ATRNL1: variants seen among roughly 807,000 people sequenced by gnomAD.
ATRNL1 encodes attractin like 1.
A neutral mutation model predicts 182.7 loss-of-function variants in ATRNL1; 95 were observed. That is an observed-to-expected ratio of 0.52 (90% CI 0.44 to 0.62). The LOEUF is 0.62. Ranked by LOEUF, ATRNL1 falls within the 20% of genes least tolerant of loss-of-function variation. The pLI is 0.00. For synonymous variants in ATRNL1, 576 were observed against 568.3 expected, an observed-to-expected ratio of 1.01 and a Z score of -0.19; for missense variants, 1,471 against 1,679.5, an observed-to-expected ratio of 0.88 and a Z score of 2.17.
intron 28 of ATRNL1, among the ~76,000 whole-genome samples, chr10:115,930,481 A>G (rs112238906): frequency 3.9e-5 from 6 of 152,296 alleles, no homozygotes; most frequent in African/African-American, 1.4e-4. Flanking sequence ...GTTCAGTCCA[A>G]CAGCCAGGCA....
At chr10:115,937,492 C>A (rs1321000435) in intron 28 of ATRNL1, among the ~76,000 whole-genome samples, 4 of 152,200 alleles carry the variant, frequency 2.6e-5, no homozygotes, top group Non-Finnish European at 5.9e-5. Flanking sequence ...TTCACTTGTG[C>A]TGGCCTTCCA....
At chr10:115,506,831 A>G (rs1282368299) in intron 24 of ATRNL1, among the ~76,000 whole-genome samples, 3 of 152,074 alleles carry the variant, frequency 2.0e-5, no homozygotes, top group African/African-American at 7.2e-5. Context: ...GGTCAGAGGC[A>G]TCTCCAGTCA....
intron 27 of ATRNL1, among the ~76,000 whole-genome samples, chr10:115,820,900 G>A (rs1950279223): frequency 6.6e-6 from 1 of 152,132 alleles, no homozygotes; most frequent in Non-Finnish European, 1.5e-5. Context: ...TCTAGGGCAG[G>A]ACCTGGTGGG....
At chr10:115,809,027 A>C (rs557612993) in intron 27 of ATRNL1, among the ~76,000 whole-genome samples, 1 of 152,052 alleles carries the variant, frequency 6.6e-6, no homozygotes, top group South Asian at 2.1e-4. Context: ...TGTTTTTCTT[A>C]ATGTTGTATG....
intron 5 of ATRNL1, among the ~76,000 whole-genome samples, chr10:115,153,673 T>G (rs1432266105): frequency 1.3e-5 from 2 of 152,138 alleles, no homozygotes; most frequent in African/African-American, 2.4e-5. Context: ...CTCCTGCTCC[T>G]GGATTCATTG....
At chr10:115,226,199 T>C (rs2144489282) in intron 9 of ATRNL1, among the ~76,000 whole-genome samples, 1 of 151,826 alleles carries the variant, frequency 6.6e-6, no homozygotes, top group East Asian at 2.0e-4. Flanking sequence ...GCCAATTGGG[T>C]GTACAATTGG....
intron 28 of ATRNL1, among the ~76,000 whole-genome samples, chr10:115,899,206 A>G (rs1952286161): frequency 6.6e-6 from 1 of 151,980 alleles, no homozygotes; most frequent in Non-Finnish European, 1.5e-5. Context: ...TCATTGTTCA[A>G]TTCCCATCTA....
chr10:115,415,444 A>T (rs1486620035), intron 20 of ATRNL1, among the ~76,000 whole-genome samples: 1 of 151,640 alleles, frequency 6.6e-6, no homozygotes, highest in Non-Finnish European at 1.5e-5. Context: ...TTTCAGTGAG[A>T]CATAAGTTGC....
chr10:115,211,729 A>T (rs966963327), intron 8 of ATRNL1, among the ~76,000 whole-genome samples: 2 of 151,650 alleles, frequency 1.3e-5, no homozygotes, highest in African/African-American at 4.8e-5. Context: ...GTCATTTAAC[A>T]TTAGTTATAT....
chr10:115,559,444 G>GTGCGCGCGCA (rs1554998463), intron 26 of ATRNL1, among the ~76,000 whole-genome samples: 1 of 62,790 alleles, frequency 1.6e-5, no homozygotes, highest in East Asian at 1.6e-3. Flanking sequence ...GTGTGTGTGT[G>GTGCGCGCGCA]CGCGCGCGCA....
chr10:115,608,414 A>T, intron 26 of ATRNL1, among the ~76,000 whole-genome samples: 1 of 152,094 alleles, frequency 6.6e-6, no homozygotes, highest in East Asian at 1.9e-4. Flanking sequence ...GTTCTGTATC[A>T]GAATTTTGAT....
intron 26 of ATRNL1, among the ~76,000 whole-genome samples, chr10:115,687,998 A>G (rs1837886170): frequency 6.6e-6 from 1 of 152,124 alleles, no homozygotes; most frequent in Non-Finnish European, 1.5e-5. Context: ...AGAGTCTGGT[A>G]TCTATGGTTC....
At chr10:115,454,675 C>T (rs1482988529) in intron 21 of ATRNL1, among the ~76,000 whole-genome samples, 1 of 151,772 alleles carries the variant, frequency 6.6e-6, no homozygotes, top group East Asian at 1.9e-4. Context: ...AGAATGTTTT[C>T]TTTAATTTCT....
In ATRNL1 at chr10:115,567,390, C is replaced by T. The variant is rs184357960; in HGVS notation, c.3795+17854C>T. On this transcript the variant is annotated intron_variant, in intron 26 of 28. Transcript: ENST00000355044. ...TGGGATAAGTTTTTCTAAATGAAAACATATCTCATTTTGTCCTGAAGATTA... is the reference window on the plus strand; with the variant it reads ...TGGGATAAGTTTTTCTAAATGAAAATATATCTCATTTTGTCCTGAAGATTA... Among the ~76,000 whole-genome samples, 18 of 152,120 alleles carry T rather than the reference C, an allele frequency of 1.2e-4. No individual in the cohort carries two copies. The East Asian group carries it at 3.5e-3, about 29-fold the overall frequency.
intron 26 of ATRNL1, among the ~76,000 whole-genome samples, chr10:115,588,587 G>A (rs1855715231): frequency 6.6e-6 from 1 of 152,202 alleles, no homozygotes; most frequent in South Asian, 2.1e-4. Context: ...CTTTATGTGT[G>A]GTCTAAGCCC....
chr10:115,830,107 T>C (rs1555093156), intron 27 of ATRNL1, among the ~76,000 whole-genome samples: 2 of 152,236 alleles, frequency 1.3e-5, no homozygotes, highest in East Asian at 3.8e-4. Context: ...GCTGCATATA[T>C]GCAGTTCCTG....
chr10:115,173,454 G>A (rs782377942), intron 8 of ATRNL1, among the ~76,000 whole-genome samples: 9 of 151,820 alleles, frequency 5.9e-5, no homozygotes, highest in Non-Finnish European at 1.2e-4. Context: ...TCAAGGTATG[G>A]AGTTTGATAT....
intron 25 of ATRNL1, among the ~76,000 whole-genome samples, chr10:115,545,748 A>G (rs1554993509): frequency 1.3e-5 from 2 of 152,220 alleles, no homozygotes; most frequent in Non-Finnish European, 2.9e-5. Context: ...ACTGAATATA[A>G]GTAACTTTTC....
rs115906998 is a variant in ATRNL1, at chr10:115,124,293, G to A, written c.491+2481G>A. 1.7e-3 allele frequency among the ~76,000 whole-genome samples: 262 copies of A among 151,968 alleles called. 1 individual carries two copies. Among genetic ancestry groups the A allele is most frequent in the African/African-American group, 6.0e-3 (250 of 41,454 alleles). On this transcript the variant is annotated intron_variant, in intron 3 of 28. Transcript: ENST00000355044. The stretch of plus-strand genomic sequence containing the variant: ...GTCCTAAAAGTTTGATAATTCACTA[G>A]AATTATCATAGAACTCAGGAAAGTT...
Sources: allele counts gnomAD v4.1 joint callset (sites outside exome capture counted in the v4.1 genomes callset), GRCh38; gene constraint gnomAD v4.1.1; transcripts MANE v1.5; gene names NCBI Gene and HGNC (gene_info 2026-07-23, HGNC 2026-07-21).